The following TENM4 variants were observed in gnomAD, a reference collection of about 807,000 sequenced individuals.
TENM4 encodes teneurin transmembrane protein 4.
A neutral mutation model predicts 243.3 loss-of-function variants in TENM4; 82 were observed. The ratio of observed to expected loss-of-function variants is 0.34; its 90% CI spans 0.28 to 0.40. TENM4 has a LOEUF of 0.40. Among genes scored for constraint, TENM4 ranks in the 10% least tolerant of loss-of-function variants. The pLI, the probability that TENM4 is intolerant of heterozygous loss-of-function variation, is 1.00. For synonymous variants in TENM4, 1,412 were observed against 1,456.3 expected, an observed-to-expected ratio of 0.97 and a Z score of 0.69; for missense variants, 3,138 against 3,673.3, an observed-to-expected ratio of 0.85 and a Z score of 3.77.
At chr11:78,821,985 G>C (rs1321544470) in intron 12 of TENM4, among the ~76,000 whole-genome samples, 1 of 118,428 alleles carries the variant, frequency 8.4e-6, no homozygotes, top group Non-Finnish European at 1.7e-5. Flanking sequence ...TTCATCTCTG[G>C]ATCTCTGGCA....
At chr11:79,290,404 C>A (rs17137998) in intron 2 of TENM4, among the ~76,000 whole-genome samples, 6,545 of 152,266 alleles carry the variant, frequency 0.043, 251 homozygotes, top group African/African-American at 0.1. Flanking sequence ...AATGATTTCC[C>A]AAGTCACCTA....
intron 9 of TENM4, among the ~76,000 whole-genome samples, chr11:78,867,774 G>A (rs1218243216): frequency 6.6e-6 from 1 of 152,168 alleles, no homozygotes; most frequent in Non-Finnish European, 1.5e-5. Context: ...TAGAGCTATA[G>A]TGCTATATTC....
intron 15 of TENM4, among the ~76,000 whole-genome samples, chr11:78,802,746 G>T (rs1857305828): frequency 6.6e-6 from 1 of 152,206 alleles, no homozygotes; most frequent in Admixed American, 6.5e-5. Context: ...AAACATCTTT[G>T]TATGCTATGG....
chr11:79,124,887 A>G (rs1256921985), intron 4 of TENM4, among the ~76,000 whole-genome samples: 15 of 74,464 alleles, frequency 2.0e-4, no homozygotes, highest in African/African-American at 4.8e-4. Flanking sequence ...ATATATGTAT[A>G]TGTATATGTG....
chr11:78,912,922 C>A (rs898216048), intron 6 of TENM4, among the ~76,000 whole-genome samples: 1 of 152,216 alleles, frequency 6.6e-6, no homozygotes, highest in Non-Finnish European at 1.5e-5. Context: ...TTCATTCTTG[C>A]GCTTATCCCA....
intron 1 of TENM4, among the ~76,000 whole-genome samples, chr11:79,429,919 A>G (rs188841801): frequency 3.5e-4 from 53 of 152,354 alleles, no homozygotes; most frequent in African/African-American, 1.3e-3. Flanking sequence ...AAAGAAAACT[A>G]TGGCACACAG....
intron 19 of TENM4, among the ~76,000 whole-genome samples, chr11:78,740,139 G>A (rs1305294906): frequency 6.6e-6 from 1 of 152,218 alleles, no homozygotes; most frequent in Non-Finnish European, 1.5e-5. Flanking sequence ...CTAGGGAAGA[G>A]CTACTGACGA....
chr11:78,845,106 C>T (rs1858359520), intron 12 of TENM4, among the ~76,000 whole-genome samples: 1 of 152,154 alleles, frequency 6.6e-6, no homozygotes, highest in African/African-American at 2.4e-5. Context: ...CATGGAGCTC[C>T]CACAGACCCC....
At chr11:78,814,470 A>T (rs1463915561) in intron 12 of TENM4, 75 bp from the exon 13 acceptor site, 1 of 1,287,216 alleles carries the variant, frequency 7.8e-7, no homozygotes, top group Non-Finnish European at 1.1e-6. Flanking sequence ...ATCAAGCTTT[A>T]GGTTAGCCAA....
chr11:79,295,869 TTA>T (rs1856441972), intron 2 of TENM4, among the ~76,000 whole-genome samples: 1 of 145,056 alleles, frequency 6.9e-6, no homozygotes, highest in African/African-American at 2.6e-5. Context: ...TTTTTTTTTT[TTA>T]ATAAGAATTG....
At chr11:78,795,140 C>T (rs1375191372) in intron 15 of TENM4, among the ~76,000 whole-genome samples, 1 of 152,144 alleles carries the variant, frequency 6.6e-6, no homozygotes, top group Middle Eastern at 3.2e-3. Flanking sequence ...AATGCCACCT[C>T]CTCCTTGAAA....
chr11:79,200,661 T>C (rs1433060373), intron 3 of TENM4, among the ~76,000 whole-genome samples: 1 of 152,258 alleles, frequency 6.6e-6, no homozygotes, highest in East Asian at 1.9e-4. Flanking sequence ...TTGGCTCAGC[T>C]GACACATGGA....
rs547046714 is a variant in TENM4 at position 79,146,784 on chromosome 11, A to C, written c.-66+1926T>G. 7.9e-5 allele frequency among the ~76,000 whole-genome samples: 12 copies of C among 152,204 alleles called. No homozygotes were observed. The East Asian group carries it at 2.1e-3, about 27-fold the overall frequency. ...GCCCTATCCACAGACTTTCAGCTCC[A>C]GGAAGGCGAAAACTGTACCACTCTT... On this transcript the variant is annotated intron_variant, in intron 4 of 33. Transcript: ENST00000278550.
intron 5 of TENM4, chr11:79,068,366 G>T (rs1409161940): frequency 1.3e-5 from 2 of 152,246 alleles, no homozygotes; most frequent in Non-Finnish European, 2.9e-5. Context: ...TTTGATGCCA[G>T]AGTTGGAGCC....
chr11:79,403,276 G>C (rs1858499652), intron 1 of TENM4, among the ~76,000 whole-genome samples: 1 of 152,178 alleles, frequency 6.6e-6, no homozygotes, highest in Admixed American at 6.5e-5. Context: ...GGGAGGACTA[G>C]CACTGTTTTT....
chr11:79,426,353 G>A (rs1299514366), intron 1 of TENM4, among the ~76,000 whole-genome samples: 1 of 152,166 alleles, frequency 6.6e-6, no homozygotes, highest in African/African-American at 2.4e-5. Flanking sequence ...GTCTGTAGGG[G>A]ACCCTGGCTC....
At chr11:78,794,302 G>A (rs1857118429) in intron 15 of TENM4, among the ~76,000 whole-genome samples, 1 of 152,156 alleles carries the variant, frequency 6.6e-6, no homozygotes, top group Non-Finnish European at 1.5e-5. Flanking sequence ...GGGCATAGTG[G>A]GTACTTCACC....
In TENM4 at chr11:79,085,390, G is replaced by A. The variant is rs56132220; in HGVS notation, c.-65-15381C>T. Among the ~76,000 whole-genome samples, 569 of 122,788 alleles carry A rather than the reference G, an allele frequency of 4.6e-3. 7 individuals are homozygous for A. The highest frequency in any genetic ancestry group is 0.015 in the African/African-American group (470 of 32,174). The allele number at this position is 122,788 out of a possible 152,430, so 80.6% of individuals were successfully genotyped here. On this transcript the variant is annotated intron_variant, in intron 4 of 33. Transcript: ENST00000278550. Reference sequence around the variant, plus strand: ...AGACTCTGTCTCAAAAAAAAAAAAGGGGGGTTTTTTTTTTGGGTCAGGCTT... The same window carrying A: ...AGACTCTGTCTCAAAAAAAAAAAAGAGGGGTTTTTTTTTTGGGTCAGGCTT...
intron 1 of TENM4, among the ~76,000 whole-genome samples, chr11:79,312,936 A>C (rs1328301756): frequency 3.3e-5 from 5 of 152,204 alleles, no homozygotes; most frequent in African/African-American, 4.8e-5. Flanking sequence ...CTGACACGGG[A>C]AGGCTGTGTG....
Sources: allele counts gnomAD v4.1 joint callset (sites outside exome capture counted in the v4.1 genomes callset), GRCh38; gene constraint gnomAD v4.1.1; transcripts MANE v1.5; gene names NCBI Gene and HGNC (gene_info 2026-07-23, HGNC 2026-07-21).